The following ANKS1B variants were observed in gnomAD, a reference collection of about 807,000 sequenced individuals.
ANKS1B encodes ankyrin repeat and sterile alpha motif domain-containing protein 1B.
A neutral mutation model predicts 148.3 loss-of-function variants in ANKS1B; 36 were observed. That is an observed-to-expected ratio of 0.24 (90% confidence interval 0.19 to 0.32). ANKS1B has a LOEUF of 0.32. ANKS1B is among the 10% of genes least tolerant of loss of function. ANKS1B has a pLI of 1.00. For missense variants in ANKS1B, 1,157 were observed against 1,542.6 expected (o/e 0.75, Z 4.19); for synonymous variants, 542 against 560.8 (o/e 0.97, Z 0.47).
At chr12:99,461,145 T>C (rs564063822) in intron 10 of ANKS1B, among the ~76,000 whole-genome samples, 16 of 152,056 alleles carry the variant, frequency 1.1e-4, no homozygotes, top group African/African-American at 3.6e-4. Context: ...TGGATAGAAC[T>C]GGTGACCATT....
At chr12:99,110,926 C>G (rs538856131) in intron 15 of ANKS1B, among the ~76,000 whole-genome samples, 1 of 152,172 alleles carries the variant, frequency 6.6e-6, no homozygotes, top group Admixed American at 6.5e-5. Context: ...CTCCAGGATG[C>G]CTTTTCTGCT....
intron 10 of ANKS1B, among the ~76,000 whole-genome samples, chr12:99,497,515 C>G (rs1191021485): frequency 6.6e-6 from 1 of 152,096 alleles, no homozygotes; most frequent in Admixed American, 6.5e-5. Flanking sequence ...CTGTCCCAGG[C>G]CTCCTTGGTT....
intron 17 of ANKS1B, among the ~76,000 whole-genome samples, chr12:98,875,896 G>A (rs367641239): frequency 4.0e-4 from 14 of 34,652 alleles, no homozygotes; most frequent in African/African-American, 1.8e-3. Context: ...TAACAAGCCA[G>A]GGGGTAACTG....
chr12:99,737,955 C>G (rs977409174), intron 8 of ANKS1B, among the ~76,000 whole-genome samples: 4 of 152,120 alleles, frequency 2.6e-5, no homozygotes, highest in African/African-American at 9.6e-5. Context: ...CATAGACATT[C>G]TAGTATTGTC....
chr12:98,791,953 A>G (rs1315192755), intron 22 of ANKS1B, among the ~76,000 whole-genome samples: 1 of 152,212 alleles, frequency 6.6e-6, no homozygotes, highest in East Asian at 1.9e-4. Context: ...AAAGTTTTCC[A>G]ACCCATTCCC....
intron 10 of ANKS1B, among the ~76,000 whole-genome samples, chr12:99,464,037 C>T (rs549608610): frequency 1.3e-5 from 2 of 152,160 alleles, no homozygotes; most frequent in African/African-American, 4.8e-5. Context: ...TTGGGAGGCA[C>T]CCCCCAGTAG....
chr12:99,894,589 T>G (rs2093312688), intron 1 of ANKS1B, among the ~76,000 whole-genome samples: 1 of 139,660 alleles, frequency 7.2e-6, no homozygotes, highest in African/African-American at 2.5e-5. Context: ...CAACTTTAAC[T>G]TGGTGCAAAA....
intron 14 of ANKS1B, among the ~76,000 whole-genome samples, chr12:99,238,867 C>T (rs1233471515): frequency 1.3e-5 from 2 of 152,148 alleles, no homozygotes; most frequent in Admixed American, 1.3e-4. Context: ...GGAATAGCAT[C>T]TACAGCAACG....
intron 8 of ANKS1B, among the ~76,000 whole-genome samples, chr12:99,759,513 C>T (rs1016743405): frequency 6.6e-6 from 1 of 151,962 alleles, no homozygotes; most frequent in Non-Finnish European, 1.5e-5. Context: ...AATTAATTTG[C>T]TCTTCAAGGT....
At chr12:99,058,395 C>G (rs2041041445) in intron 16 of ANKS1B, among the ~76,000 whole-genome samples, 1 of 151,768 alleles carries the variant, frequency 6.6e-6, no homozygotes, top group Non-Finnish European at 1.5e-5. Flanking sequence ...AGGTGTGCAC[C>G]ACTACACCCG....
At chr12:99,657,756 G>A (rs377428876) in intron 8 of ANKS1B, among the ~76,000 whole-genome samples, 52 of 151,024 alleles carry the variant, frequency 3.4e-4, no homozygotes, top group Non-Finnish European at 4.4e-4. Context: ...ACATTGATGC[G>A]GCACATACTA....
intron 1 of ANKS1B, among the ~76,000 whole-genome samples, chr12:99,935,323 T>C (rs1301232971): frequency 6.9e-6 from 1 of 144,732 alleles, no homozygotes; most frequent in Non-Finnish European, 1.5e-5. Flanking sequence ...TTAGGCTGCA[T>C]ATAAGGATGT....
intron 9 of ANKS1B, among the ~76,000 whole-genome samples, chr12:99,610,058 C>T (rs1179630814): frequency 6.6e-6 from 1 of 151,998 alleles, no homozygotes; most frequent in Non-Finnish European, 1.5e-5. Context: ...AGGTATGACA[C>T]CTTTCCTACC....
intron 12 of ANKS1B, among the ~76,000 whole-genome samples, chr12:99,304,515 A>G (rs2082102282): frequency 3.9e-5 from 6 of 151,936 alleles, no homozygotes; most frequent in Admixed American, 3.9e-4. Context: ...AGAGAGCGTG[A>G]GTTAGGAGGT....
chr12:99,609,036 C>T (rs911396638), intron 9 of ANKS1B, among the ~76,000 whole-genome samples: 2 of 151,886 alleles, frequency 1.3e-5, no homozygotes, highest in African/African-American at 4.8e-5. Flanking sequence ...TTGTCCTCAA[C>T]AAAAATCACA....
intron 1 of ANKS1B, among the ~76,000 whole-genome samples, chr12:99,882,069 G>C (rs2092541744): frequency 2.0e-5 from 3 of 152,178 alleles, no homozygotes. Flanking sequence ...CAAGGAAATA[G>C]AAGACGTGAA....
intron 17 of ANKS1B, among the ~76,000 whole-genome samples, chr12:98,922,020 TAAC>T (rs1470818419): frequency 6.6e-6 from 1 of 152,242 alleles, no homozygotes; most frequent in Non-Finnish European, 1.5e-5. Flanking sequence ...TACTTCAAGA[TAAC>T]AACAAGGAAA....
Position 99,654,972 on chromosome 12 carries a change from T to A in ANKS1B, c.1272+95A>T, listed in dbSNP as rs1443089279. On this transcript the variant is annotated intron_variant, in intron 9 of 26. Coordinates refer to ENST00000683438, the MANE Select transcript of ANKS1B (RefSeq NM_001352186.2). ...ATCCAAAATCACAAAGTGAACAAGA[T>A]CCTAATTTGATTTTCGAAGGGGAGG... 2.2e-6 allele frequency: 3 copies of A among 1,346,956 alleles called. No individual in the cohort carries two copies. In the East Asian group the frequency reaches 7.0e-5, roughly 31 times the overall value. 83.4% of individuals were successfully genotyped at this position (1,346,956 alleles called of 1,614,324 possible).
chr12:99,717,961 T>C (rs1384927248), intron 8 of ANKS1B, among the ~76,000 whole-genome samples: 2 of 143,318 alleles, frequency 1.4e-5, no homozygotes, highest in Non-Finnish European at 1.5e-5. Flanking sequence ...TGGAGTGCAG[T>C]GGCGCGATCT....
Sources: allele counts gnomAD v4.1 joint callset (sites outside exome capture counted in the v4.1 genomes callset), GRCh38; gene constraint gnomAD v4.1.1; transcripts MANE v1.5; gene names NCBI Gene and HGNC (gene_info 2026-07-23, HGNC 2026-07-21).